Variants in TMEM117 observed in about 807,000 individuals in gnomAD.
TMEM117 encodes the protein transmembrane protein 117.
Under a neutral mutation model 52.4 loss-of-function variants are expected in TMEM117, and 27 were observed. The ratio of observed to expected loss-of-function variants is 0.51; its 90% CI spans 0.38 to 0.71. TMEM117 has a LOEUF of 0.71. Ranked by LOEUF, TMEM117 falls within the 30% of genes least tolerant of loss-of-function variation. The pLI is 0.00. For synonymous variants in TMEM117, 215 were observed against 206.3 expected, an observed-to-expected ratio of 1.04 and a Z score of -0.36; for missense variants, 556 against 630.5, an observed-to-expected ratio of 0.88 and a Z score of 1.26.
intron 2 of TMEM117, among the ~76,000 whole-genome samples, chr12:43,895,339 T>C (rs1267737367): frequency 2.6e-5 from 4 of 152,240 alleles, no homozygotes; most frequent in Non-Finnish European, 5.9e-5. Flanking sequence ...TGTTCTTTTT[T>C]ATGGCTGCAT....
At chr12:44,376,297 A>C (rs1951939890) in intron 6 of TMEM117, 1 of 349,802 alleles carries the variant, frequency 2.9e-6, no homozygotes, top group African/African-American at 2.2e-5. Context: ...ATTTAAGTGC[A>C]GTTCTCCAGA....
At chr12:44,131,308 A>G (rs1004710570) in intron 3 of TMEM117, among the ~76,000 whole-genome samples, 2 of 152,136 alleles carry the variant, frequency 1.3e-5, no homozygotes, top group East Asian at 3.8e-4. Context: ...CTCAAATTAT[A>G]TGTTACTGAT....
chr12:44,265,749 G>T (rs1950370420), intron 5 of TMEM117, among the ~76,000 whole-genome samples: 1 of 152,060 alleles, frequency 6.6e-6, no homozygotes, highest in South Asian at 2.1e-4. Context: ...TTATGCAGTT[G>T]CTTCCCATTC....
intron 1 of TMEM117, among the ~76,000 whole-genome samples, chr12:43,841,196 C>G (rs1943110459): frequency 6.6e-6 from 1 of 152,140 alleles, no homozygotes; most frequent in Non-Finnish European, 1.5e-5. Context: ...CTGTTTTGTT[C>G]TGCTAGTTGA....
chr12:44,133,350 G>A (rs1186795603), intron 3 of TMEM117, among the ~76,000 whole-genome samples: 4 of 152,134 alleles, frequency 2.6e-5, no homozygotes, highest in South Asian at 2.1e-4. Flanking sequence ...GGAACAAGAG[G>A]AAAATAGCAC....
intron 5 of TMEM117, among the ~76,000 whole-genome samples, chr12:44,280,652 A>G (rs943299785): frequency 5.3e-5 from 8 of 151,940 alleles, no homozygotes; most frequent in Non-Finnish European, 1.2e-4. Flanking sequence ...GGTCATTCCC[A>G]TGTCTCTATA....
intron 3 of TMEM117, among the ~76,000 whole-genome samples, chr12:43,999,755 G>T (rs111333209): frequency 6.6e-6 from 1 of 152,060 alleles, no homozygotes; most frequent in Non-Finnish European, 1.5e-5. Flanking sequence ...GCCTCCCAAA[G>T]TGCTGGGATT....
chr12:44,001,369 T>C (rs1946114477), intron 3 of TMEM117, among the ~76,000 whole-genome samples: 1 of 152,152 alleles, frequency 6.6e-6, no homozygotes, highest in African/African-American at 2.4e-5. Context: ...AGATAGTAGT[T>C]CTCCAAGTGG....
chr12:43,904,199 A>C (rs1047650601), intron 2 of TMEM117, among the ~76,000 whole-genome samples: 1 of 152,220 alleles, frequency 6.6e-6, no homozygotes, highest in African/African-American at 2.4e-5. Context: ...CATAAGAAGA[A>C]AGTTTATTTC....
At chr12:43,899,917 A>G (rs73098864) in intron 2 of TMEM117, among the ~76,000 whole-genome samples, 5,676 of 152,238 alleles carry the variant, frequency 0.037, 128 homozygotes, top group Middle Eastern at 0.088. Context: ...AGATTTATAT[A>G]TATTCATTTT....
At chr12:44,131,932 T>C (rs1488517634) in intron 3 of TMEM117, among the ~76,000 whole-genome samples, 1 of 152,178 alleles carries the variant, frequency 6.6e-6, no homozygotes, top group Non-Finnish European at 1.5e-5. Flanking sequence ...CTGCATTGTC[T>C]GTTTTGTTCC....
At chr12:43,976,628 C>G (rs1945675430) in intron 3 of TMEM117, among the ~76,000 whole-genome samples, 1 of 152,140 alleles carries the variant, frequency 6.6e-6, no homozygotes, top group African/African-American at 2.4e-5. Context: ...AGGGTAAGAA[C>G]AGCTGCTTTC....
At chr12:44,253,683 A>T (rs1369237628) in intron 5 of TMEM117, among the ~76,000 whole-genome samples, 1 of 152,122 alleles carries the variant, frequency 6.6e-6, no homozygotes, top group African/African-American at 2.4e-5. Context: ...AGTGAAGCTG[A>T]CATTATTGTT....
At chr12:43,833,671 C>G (rs1020698108), upstream of TMEM117, among the ~76,000 whole-genome samples, 2 of 151,920 alleles carry the variant, frequency 1.3e-5, no homozygotes, top group Non-Finnish European at 2.9e-5. Flanking sequence ...CACCTGTGGT[C>G]CCAGCTACTT....
At chr12:44,275,263 A>T (rs1950498074) in intron 5 of TMEM117, among the ~76,000 whole-genome samples, 1 of 152,168 alleles carries the variant, frequency 6.6e-6, no homozygotes, top group Non-Finnish European at 1.5e-5. Context: ...GTCTCACCCC[A>T]GTTAAAATGG....
chr12:44,219,482 A>G lies in TMEM117; in HGVS notation c.608+8095A>G, dbSNP rs150166479. On this transcript the variant is annotated intron_variant, in intron 5 of 7. Coordinates refer to ENST00000266534, the MANE Select transcript of TMEM117 (RefSeq NM_032256.3). The stretch of plus-strand genomic sequence containing the variant: ...CAATTATGGAGGTTAAGCAAGAAAA[A>G]GATGTACAGTATATAGTTCAATTTG... Among the ~76,000 whole-genome samples the G allele has an allele frequency of 2.3e-4, 35 of 152,318 alleles. No homozygotes were observed. The East Asian group carries it at 6.6e-3, about 29-fold the overall frequency.
At chr12:43,947,841 A>G (rs1398138211) in intron 3 of TMEM117, among the ~76,000 whole-genome samples, 1 of 152,146 alleles carries the variant, frequency 6.6e-6, no homozygotes, top group East Asian at 1.9e-4. Context: ...GGAGTTCAGG[A>G]CTAGAATGAA....
chr12:44,134,586 C>T (rs1342231925), intron 3 of TMEM117, among the ~76,000 whole-genome samples: 2 of 152,190 alleles, frequency 1.3e-5, no homozygotes, highest in African/African-American at 4.8e-5. Flanking sequence ...AGCAGTGCCA[C>T]AAAGTGTGGG....
chr12:43,876,560 GC>G (rs2137439167), intron 2 of TMEM117, among the ~76,000 whole-genome samples: 1 of 152,234 alleles, frequency 6.6e-6, no homozygotes, highest in East Asian at 1.9e-4. Flanking sequence ...ATATCTCACA[GC>G]CTTGTTAGAA....
Sources: gnomAD v4.1 joint callset for allele counts (sites outside exome capture counted in the v4.1 genomes callset) on GRCh38, gnomAD v4.1.1 for gene constraint, MANE v1.5 for transcripts, NCBI Gene and HGNC (gene_info 2026-07-23, HGNC 2026-07-21) for gene names.